The following MMP15 variants were observed in gnomAD, a reference collection of about 807,000 sequenced individuals.
MMP15 encodes matrix metallopeptidase 15, also known as matrix metalloproteinase-15.
MMP15 carries 36 observed loss-of-function variants against 65.0 expected under a neutral mutation model. That is an observed-to-expected ratio of 0.55 (90% CI 0.42 to 0.73). The LOEUF (loss-of-function observed/expected upper bound fraction) is 0.73, where lower values mean the gene tolerates loss of function less well. Ranked by LOEUF, MMP15 falls within the 30% of genes least tolerant of loss-of-function variation. MMP15 has a pLI of 0.00. For missense variants in MMP15, 870 were observed against 987.8 expected, an observed-to-expected ratio of 0.88 and a Z score of 1.60; for synonymous variants, 428 against 410.2, an observed-to-expected ratio of 1.04 and a Z score of -0.52.
Position 58,039,982 on chromosome 16 carries a change from C to T in MMP15, c.548C>T (p.Pro183Leu), listed in dbSNP as rs1015019953. 2 of 1,613,998 alleles carry T rather than the reference C, an allele frequency of 1.2e-6. No individual in the cohort carries two copies. Among genetic ancestry groups the T allele is most frequent in the African/African-American group, 2.7e-5 (2 of 75,074 alleles). ...QATPLVFQEV[P>L]YEDIRLRRQK... ...ACGCCCCTGGTCTTCCAGGAGGTGC[C>T]CTATGAGGACATCCGGCTGCGGCGA... The change falls in exon 4 of 10, where the codon CCC (proline) becomes CTC (leucine). Residue 183 changes from proline (P) to leucine (L), a missense_variant. Pro to Leu is a moderately conservative substitution (Grantham distance 98). Coordinates refer to ENST00000219271, the MANE Select transcript of MMP15 (RefSeq NM_002428.4).
rs922882111 is a variant in MMP15 at position 58,040,885 on chromosome 16, C to T, written c.910+187C>T. On this transcript the variant is annotated intron_variant, in intron 5 of 9. Transcript: ENST00000219271. The stretch of plus-strand genomic sequence containing the variant: ...AAATGAAACCCAGGGCAGGCTGCCT[C>T]CAGGGCCTGGGCCTCACTCGAGGCT... The T allele has an allele frequency of 9.0e-6, 8 of 884,008 alleles. No homozygotes were observed. The African/African-American group carries it at 1.3e-4, about 15-fold the overall frequency. The allele number at this position is 884,008 out of a possible 1,614,324, so 54.8% of individuals were successfully genotyped here.
At chr16:58,042,501 T>A in intron 7 of MMP15, 132 bp downstream of exon 7, 1 of 1,310,600 alleles carries the variant, frequency 7.6e-7, no homozygotes, top group Non-Finnish European at 1.0e-6. Context: ...GGGCTCACTC[T>A]GGGAGGATGA....
In MMP15 at chr16:58,040,180, A is replaced by C. The variant is rs773934067; in HGVS notation, c.746A>C (p.His249Pro). The change falls in exon 4 of 10, where the codon CAT (histidine) becomes CCT (proline). Residue 249 changes from histidine (H) to proline (P), a missense_variant and splice_region_variant. By Grantham distance (77) the His-to-Pro change is moderately conservative. Transcript: ENST00000219271. The part of the protein sequence containing the change: ...EPWTFSSTDL[H>P]GNNLFLVAVH... Reference sequence around the variant, plus strand: ...TGGACCTTCTCCAGCACTGACCTGCATGGTGAGGACAGCTGGCCAGGGTGA... The same window carrying C: ...TGGACCTTCTCCAGCACTGACCTGCCTGGTGAGGACAGCTGGCCAGGGTGA... 2 of 1,605,490 alleles carry C rather than the reference A, an allele frequency of 1.2e-6. No homozygotes were observed. Among genetic ancestry groups the C allele is most frequent in the South Asian group, 2.2e-5 (2 of 90,830 alleles).
rs1007047854 is a variant in MMP15, at chr16:58,041,702, C to G, written c.996C>G (p.Pro332=). Residue 332 remains proline (P), a synonymous_variant, in exon 6 of 10, where the codon CCC becomes CCG. Coordinates refer to ENST00000219271, the MANE Select transcript of MMP15 (RefSeq NM_002428.4). ...CAGGCCGGCCTGACCACCGGCCGCC[C>G]CGGCCTCCCCAGCCACCACCCCCAG... is the stretch of plus-strand genomic sequence containing the variant. The part of the protein sequence containing the change: ...RRPGRPDHRP[P]RPPQPPPPGG... The G allele has an allele frequency of 6.3e-7, 1 of 1,581,672 alleles. No homozygotes were observed. The highest frequency in any genetic ancestry group is 1.3e-5 in the African/African-American group (1 of 74,096).
At position 58,037,498 on chromosome 16, in the gene MMP15, G is replaced by T. The variant is rs757335406; in HGVS notation, c.189G>T (p.Leu63=). 6.2e-7 allele frequency: 1 copy of T among 1,613,252 alleles called. No individual in the cohort carries two copies. Among genetic ancestry groups the T allele is most frequent in the Non-Finnish European group, 8.5e-7 (1 of 1,179,996 alleles). Residue 63 remains leucine (L), a synonymous_variant, in exon 2 of 10, where the codon CTG becomes CTT. Transcript: ENST00000219271. The part of the protein sequence containing the change: ...AENWLRLYGY[L]PQPSRHMSTM... ...ACTGGCTGCGGCTTTATGGCTACCT[G>T]CCTCAGCCCAGCCGCCATATGTCCA... is the stretch of plus-strand genomic sequence containing the variant.
intron 1 of MMP15, among the ~76,000 whole-genome samples, chr16:58,034,620 C>T (rs560326391): frequency 6.8e-4 from 104 of 152,276 alleles, no homozygotes; most frequent in Non-Finnish European, 1.3e-3. Flanking sequence ...GCGCCAAGGC[C>T]GTGTTTCTGC....
intron 1 of MMP15, among the ~76,000 whole-genome samples, chr16:58,035,259 T>C (rs763140999): frequency 1.3e-5 from 2 of 152,088 alleles, no homozygotes; most frequent in Non-Finnish European, 2.9e-5. Context: ...ACAGGGAGGG[T>C]ACCCACGACA....
At chr16:58,029,067 C>T in intron 1 of MMP15, among the ~76,000 whole-genome samples, 1 of 152,244 alleles carries the variant, frequency 6.6e-6, no homozygotes, top group East Asian at 1.9e-4. Context: ...GTGGAGGTGA[C>T]TCAGGCTGCC....
At chr16:58,029,702 A>G (rs539758033) in intron 1 of MMP15, among the ~76,000 whole-genome samples, 1 of 152,268 alleles carries the variant, frequency 6.6e-6, no homozygotes, top group African/African-American at 2.4e-5. Context: ...TGACCTTCCC[A>G]TTGTGACCTC....
At chr16:58,035,383 C>A (rs1959310333) in intron 1 of MMP15, among the ~76,000 whole-genome samples, 1 of 152,194 alleles carries the variant, frequency 6.6e-6, no homozygotes, top group South Asian at 2.1e-4. Flanking sequence ...CTGGTGGAGC[C>A]TGGCCCATCA....
At chr16:58,044,363 C>A (rs1441966700) in intron 9 of MMP15, among the ~76,000 whole-genome samples, 1 of 152,194 alleles carries the variant, frequency 6.6e-6, no homozygotes, top group Non-Finnish European at 1.5e-5. Context: ...CGGAGGATTA[C>A]TTGAGTCTGG....
At chr16:58,042,443 G>A in intron 7 of MMP15, 74 bp downstream of exon 7, 1 of 1,571,814 alleles carries the variant, frequency 6.4e-7, no homozygotes, top group Non-Finnish European at 8.7e-7. Context: ...TCTGAGAGAA[G>A]AGGAGGTGAA....
intron 4 of MMP15, 50 bp downstream of exon 4, chr16:58,040,232 G>C: frequency 6.4e-7 from 1 of 1,554,602 alleles, no homozygotes; most frequent in African/African-American, 1.3e-5. Context: ...CCCCGGAGCT[G>C]GGCAACAACA....
At position 58,039,938 on chromosome 16, in the gene MMP15, C is replaced by G. The variant is rs1356121058; in HGVS notation, c.504C>G (p.Phe168Leu). The change falls in exon 4 of 10, where the codon TTC (phenylalanine) becomes TTG (leucine). Residue 168 changes from phenylalanine to leucine, a missense_variant. Coordinates refer to ENST00000219271, the MANE Select transcript of MMP15 (RefSeq NM_002428.4). The stretch of plus-strand genomic sequence containing the variant: ...CGATGGAGGCGGTGCGCAGGGCCTT[C>G]CGCGTGTGGGAGCAGGCCACGCCCC... ...YHSMEAVRRA[F>L]RVWEQATPLV... 4 of 1,613,352 alleles carry G rather than the reference C, an allele frequency of 2.5e-6. No homozygotes were observed. In the East Asian group the frequency reaches 8.9e-5, roughly 36 times the overall value.
rs747929526 is a variant in MMP15, at chr16:58,043,372, G to T, written c.1454+12G>T. On this transcript the variant is annotated intron_variant, in intron 8 of 9. Coordinates refer to ENST00000219271, the MANE Select transcript of MMP15 (RefSeq NM_002428.4). Reference sequence around the variant, plus strand: ...TTCCAAGAGGACAGGTGAGCAGTGCGTCCCTCCCCTAAGGGGAGAAGGCCC... The same window carrying T: ...TTCCAAGAGGACAGGTGAGCAGTGCTTCCCTCCCCTAAGGGGAGAAGGCCC... 4 of 1,601,358 alleles carry T rather than the reference G, an allele frequency of 2.5e-6. No individual in the cohort carries two copies. The highest frequency in any genetic ancestry group is 1.7e-4 in the Middle Eastern group (1 of 6,026).
At chr16:58,044,833 C>G (rs1397828835) in intron 9 of MMP15, among the ~76,000 whole-genome samples, 174 bp from the exon 10 acceptor site, 2 of 152,222 alleles carry the variant, frequency 1.3e-5, no homozygotes, top group Non-Finnish European at 2.9e-5. Context: ...TAGCCCAAAG[C>G]CCTCTGAGCC....
intron 1 of MMP15, among the ~76,000 whole-genome samples, chr16:58,037,051 A>G (rs1030692663): frequency 2.0e-5 from 3 of 152,228 alleles, no homozygotes; most frequent in Non-Finnish European, 4.4e-5. Flanking sequence ...GAAAATGAGG[A>G]TGAAAGCCTC....
intron 1 of MMP15, among the ~76,000 whole-genome samples, chr16:58,028,910 G>A (rs1331124045): frequency 3.9e-5 from 6 of 152,202 alleles, no homozygotes; most frequent in African/African-American, 9.6e-5. Context: ...TAGCCATTCC[G>A]GGCCAGATCC....
intron 1 of MMP15, among the ~76,000 whole-genome samples, chr16:58,029,396 G>A (rs1033351010): frequency 2.6e-5 from 4 of 152,174 alleles, no homozygotes; most frequent in African/African-American, 4.8e-5. Flanking sequence ...AGTTAATAGC[G>A]GGGCCTTGTC....
Sources: allele counts gnomAD v4.1 joint callset (sites outside exome capture counted in the v4.1 genomes callset), GRCh38; gene constraint gnomAD v4.1.1; transcripts MANE v1.5; gene names NCBI Gene and HGNC (gene_info 2026-07-23, HGNC 2026-07-21).